Variants in MARK1 observed in about 807,000 individuals in gnomAD.
MARK1 encodes serine/threonine-protein kinase MARK1.
MARK1 carries 40 observed loss-of-function variants against 96.3 expected under a neutral mutation model. The ratio of observed to expected loss-of-function variants is 0.42; its 90% CI spans 0.32 to 0.54. The LOEUF (loss-of-function observed/expected upper bound fraction) is 0.54, where lower values mean the gene tolerates loss of function less well. Among genes scored for constraint, MARK1 ranks in the 20% least tolerant of loss-of-function variants. The pLI, the probability that MARK1 is intolerant of heterozygous loss-of-function variation, is 0.16. For missense variants in MARK1, 719 were observed against 984.6 expected, an observed-to-expected ratio of 0.73 and a Z score of 3.61; for synonymous variants, 317 against 341.2, an observed-to-expected ratio of 0.93 and a Z score of 0.78.
intron 3 of MARK1, among the ~76,000 whole-genome samples, chr1:220,583,091 G>C (rs1664350962): frequency 6.6e-6 from 1 of 152,140 alleles, no homozygotes; most frequent in Non-Finnish European, 1.5e-5. Flanking sequence ...AAAAGTAATG[G>C]AATGTGAAAC....
At chr1:220,625,847 C>T (rs192971692) in intron 9 of MARK1, 15 of 467,432 alleles carry the variant, frequency 3.2e-5, no homozygotes, top group Non-Finnish European at 6.0e-5. Flanking sequence ...ACCAAATCTA[C>T]TACTCACAAT....
chr1:220,588,793 GTC>G (rs1461587697), intron 3 of MARK1, among the ~76,000 whole-genome samples: 8 of 152,170 alleles, frequency 5.3e-5, no homozygotes, highest in Non-Finnish European at 1.0e-4. Context: ...GGACCTAGCA[GTC>G]TCTTGGAACT....
intron 13 of MARK1, among the ~76,000 whole-genome samples, chr1:220,636,842 G>C (rs1174202028): frequency 1.2e-4 from 18 of 151,660 alleles, no homozygotes; most frequent in Admixed American, 1.2e-3. Flanking sequence ...GGTGGAGCTT[G>C]CAGTGAGCTG....
intron 3 of MARK1, among the ~76,000 whole-genome samples, chr1:220,587,329 TTCTCTCTC>T (rs57932958): frequency 2.1e-4 from 29 of 135,952 alleles, no homozygotes; most frequent in South Asian, 1.5e-3. Context: ...CTCTCTTTCT[TTCTCTCTC>T]TCTCTCTCTC....
Position 220,637,635 on chromosome 1 carries a change from T to C in MARK1, c.1470+1609T>C, listed in dbSNP as rs751648216. On this transcript the variant is annotated intron_variant, in intron 13 of 17. Coordinates refer to ENST00000366917, the MANE Select transcript of MARK1 (RefSeq NM_018650.5). The stretch of plus-strand genomic sequence containing the variant: ...CAGAGGTTGCAGTGAGCCAAGATCA[T>C]GCCATTGCACTGCAGCCTGGGCAAC... 5.9e-5 allele frequency among the ~76,000 whole-genome samples: 9 copies of C among 152,080 alleles called. No homozygotes were observed. The South Asian group carries it at 1.9e-3, about 32-fold the overall frequency.
intron 1 of MARK1, among the ~76,000 whole-genome samples, chr1:220,551,397 C>T (rs1423410795): frequency 6.6e-6 from 1 of 152,132 alleles, no homozygotes; most frequent in Non-Finnish European, 1.5e-5. Context: ...TTCTGGGAAA[C>T]GGAGTTCCAG....
intron 13 of MARK1, among the ~76,000 whole-genome samples, chr1:220,639,671 C>G (rs1048268810): frequency 1.3e-5 from 2 of 152,172 alleles, no homozygotes; most frequent in African/African-American, 4.8e-5. Flanking sequence ...CACAGTCACC[C>G]TTGGTCTGTG....
At chr1:220,561,570 G>A (rs1662671091) in intron 1 of MARK1, among the ~76,000 whole-genome samples, 1 of 152,148 alleles carries the variant, frequency 6.6e-6, no homozygotes, top group Non-Finnish European at 1.5e-5. Flanking sequence ...GTCAAACAGA[G>A]TTTGATAATA....
chr1:220,599,896 G>T (rs1402268539), intron 5 of MARK1, 33 bp downstream of exon 5: 1 of 1,453,272 alleles, frequency 6.9e-7, no homozygotes, highest in Non-Finnish European at 9.6e-7. Context: ...AGTTCTCTTT[G>T]CTGAGACATA....
At chr1:220,544,332 A>G (rs1661337337) in intron 1 of MARK1, among the ~76,000 whole-genome samples, 1 of 152,158 alleles carries the variant, frequency 6.6e-6, no homozygotes, top group Non-Finnish European at 1.5e-5. Flanking sequence ...ATAAGAGATG[A>G]TTGGGTCATA....
At chr1:220,638,292 C>T (rs1668083855) in intron 13 of MARK1, among the ~76,000 whole-genome samples, 1 of 152,188 alleles carries the variant, frequency 6.6e-6, no homozygotes, top group South Asian at 2.1e-4. Context: ...TCAGCTTTGT[C>T]TATCTCCATG....
At chr1:220,645,113 C>CA (rs1256181736) in intron 13 of MARK1, among the ~76,000 whole-genome samples, 4 of 152,068 alleles carry the variant, frequency 2.6e-5, no homozygotes, top group Middle Eastern at 3.4e-3. Context: ...AAAAACTCTT[C>CA]AAAAAATCAA....
chr1:220,532,598 A>AATTTTAATTT (rs2102686364), intron 1 of MARK1, among the ~76,000 whole-genome samples: 1 of 152,344 alleles, frequency 6.6e-6, no homozygotes, highest in East Asian at 1.9e-4. Flanking sequence ...TGACCTACCC[A>AATTTTAATTT]AGGTTAATAA....
rs112832180 is a variant in MARK1 at position 220,532,843 on chromosome 1, T to C, written c.51+3970T>C. Among the ~76,000 whole-genome samples the C allele has an allele frequency of 3.7e-3, 563 of 151,912 alleles. 6 individuals carry two copies. The highest frequency in any genetic ancestry group is 0.013 in the African/African-American group (532 of 41,414). On this transcript the variant is annotated intron_variant, in intron 1 of 17. Coordinates refer to ENST00000366917, the MANE Select transcript of MARK1 (RefSeq NM_018650.5). ...CAACATGGAGAAACCCTGTCTCCAC[T>C]AAAAATACAAAAATAAGCTGGGCAT...
intron 1 of MARK1, chr1:220,571,872 AC>A (rs1395837411): frequency 6.6e-6 from 1 of 151,946 alleles, no homozygotes; most frequent in Non-Finnish European, 1.5e-5. Context: ...TCCTTAGGCA[AC>A]CTGATGGTCC....
chr1:220,613,214 C>G lies in MARK1; in HGVS notation c.496-2725C>G, dbSNP rs141713714. Reference sequence around the variant, plus strand: ...TTGGGCTTGTGGAGGGGGATTCTTGCATTGAGTCAGAAGGCAGAACTTCTT... The same window carrying G: ...TTGGGCTTGTGGAGGGGGATTCTTGGATTGAGTCAGAAGGCAGAACTTCTT... On this transcript the variant is annotated intron_variant, in intron 6 of 17. Coordinates refer to ENST00000366917, the MANE Select transcript of MARK1 (RefSeq NM_018650.5). 3.9e-5 allele frequency among the ~76,000 whole-genome samples: 6 copies of G among 152,260 alleles called. No homozygotes were observed. In the East Asian group the frequency reaches 1.2e-3, roughly 29 times the overall value.
chr1:220,580,656 G>T (rs1247824764), intron 2 of MARK1, among the ~76,000 whole-genome samples: 1 of 152,126 alleles, frequency 6.6e-6, no homozygotes, highest in Non-Finnish European at 1.5e-5. Flanking sequence ...TTGTCAGTTT[G>T]CTCTAAGTAA....
At position 220,647,946 on chromosome 1, in the gene MARK1, G is replaced by A. The variant is rs568169244; in HGVS notation, c.1471-2674G>A. Among the ~76,000 whole-genome samples the A allele has an allele frequency of 1.6e-4, 24 of 152,086 alleles. No homozygotes were observed. In the South Asian group the frequency reaches 4.6e-3, roughly 29 times the overall value. ...AGGAAAAATAGCTATTGCATGCTGG[G>A]CTTAATACCTAGGTGACAGGTTGAT... is the stretch of plus-strand genomic sequence containing the variant. On this transcript the variant is annotated intron_variant, in intron 13 of 17. Coordinates refer to ENST00000366917, the MANE Select transcript of MARK1 (RefSeq NM_018650.5).
In MARK1 at chr1:220,604,455, A is replaced by T. The variant is rs531944974; in HGVS notation, c.495+318A>T. ...AATTAGTTAACCCTTTGAAGTCTTT[A>T]TCCAATAATTATTATAAATTATTAC... On this transcript the variant is annotated intron_variant, in intron 6 of 17. Coordinates refer to ENST00000366917, the MANE Select transcript of MARK1 (RefSeq NM_018650.5). 2.6e-5 allele frequency among the ~76,000 whole-genome samples: 4 copies of T among 152,188 alleles called. No homozygotes were observed. In the East Asian group the frequency reaches 7.7e-4, roughly 29 times the overall value.
Sources: allele counts gnomAD v4.1 joint callset (sites outside exome capture counted in the v4.1 genomes callset), GRCh38; gene constraint gnomAD v4.1.1; transcripts MANE v1.5; gene names NCBI Gene and HGNC (gene_info 2026-07-23, HGNC 2026-07-21).